The following NDUFAF6 variants were observed in gnomAD, a reference collection of about 807,000 sequenced individuals.
The protein encoded by NDUFAF6 is NADH:ubiquinone oxidoreductase complex assembly factor 6, also known as NADH dehydrogenase (ubiquinone) complex I, assembly factor 6.
NDUFAF6 carries 45 observed loss-of-function variants against 40.8 expected under a neutral mutation model. The observed-to-expected ratio is 1.10, with a 90% CI of 0.87 to 1.42. The LOEUF is 1.42. Ranked by LOEUF, NDUFAF6 falls within the 40% of genes most tolerant of loss-of-function variation. The pLI is 0.00. For missense variants in NDUFAF6, 435 were observed against 418.5 expected, an observed-to-expected ratio of 1.04 and a Z score of -0.34; for synonymous variants, 185 against 155.9, an observed-to-expected ratio of 1.19 and a Z score of -1.39.
At chr8:94,994,667 C>G (rs1378274159) in intron 2 of NDUFAF6, among the ~76,000 whole-genome samples, 2 of 151,954 alleles carry the variant, frequency 1.3e-5, no homozygotes, top group Non-Finnish European at 2.9e-5. Flanking sequence ...GACCCTGTCT[C>G]TACAAAAATT....
chr8:95,031,897 AACTT>A, intron 1 of NDUFAF6, 94 bp from the exon 2 acceptor site: 1 of 1,240,540 alleles, frequency 8.1e-7, no homozygotes, highest in Non-Finnish European at 1.2e-6. Context: ...TACCGCGCCC[AACTT>A]GAAGCCTTTT....
intron 1 of NDUFAF6, among the ~76,000 whole-genome samples, chr8:94,977,598 T>TTCTC (rs34370955): frequency 1.3e-5 from 2 of 149,388 alleles, no homozygotes; most frequent in African/African-American, 2.5e-5. Context: ...CCCTGCTGGG[T>TTCTC]TCTCTCTCTC....
downstream of NDUFAF6, among the ~76,000 whole-genome samples, chr8:95,076,365 C>A (rs1159417112): frequency 1.3e-5 from 2 of 152,162 alleles, no homozygotes; most frequent in Admixed American, 6.5e-5. Flanking sequence ...CCTTAGCCAT[C>A]AACATCATTT....
intron 2 of NDUFAF6, among the ~76,000 whole-genome samples, chr8:95,083,132 A>C (rs1808932585): frequency 6.6e-6 from 1 of 152,274 alleles, no homozygotes; most frequent in South Asian, 2.1e-4. Context: ...TTTTACATTT[A>C]ACTTTTCAAT....
rs1826975728 is a variant in NDUFAF6 at position 95,006,294 on chromosome 8, G to A, written c.-84+25321G>A. ...TGCTTGAACCTGGGAGGTGGAGGTT[G>A]CAGTGAGCCAAGATCATGCCACTGC... On this transcript the variant is annotated intron_variant, in intron 2 of 9. Transcript: ENST00000396111. Among the ~76,000 whole-genome samples the A allele has an allele frequency of 2.0e-5, 3 of 147,696 alleles. No homozygotes were observed. The South Asian group carries it at 6.3e-4, about 31-fold the overall frequency.
At chr8:95,111,090 C>T (rs758469343) in intron 4 of NDUFAF6, among the ~76,000 whole-genome samples, 9 of 152,092 alleles carry the variant, frequency 5.9e-5, no homozygotes, top group Non-Finnish European at 8.8e-5. Flanking sequence ...ACAGGGGAGC[C>T]GAGACACCAA....
At chr8:95,095,869 T>G (rs1449826889), upstream of NDUFAF6, among the ~76,000 whole-genome samples, 1 of 152,150 alleles carries the variant, frequency 6.6e-6, no homozygotes, top group African/African-American at 2.4e-5. Context: ...TTTGCAATGT[T>G]GGCCAGGCTA....
chr8:94,971,434 C>G (rs537969907), intron 1 of NDUFAF6, among the ~76,000 whole-genome samples: 6 of 152,234 alleles, frequency 3.9e-5, no homozygotes, highest in African/African-American at 1.4e-4. Flanking sequence ...TCAGAACCAC[C>G]AGAGTGACTC....
At chr8:94,994,827 AAAACC>A (rs772245341) in intron 2 of NDUFAF6, among the ~76,000 whole-genome samples, 11 of 152,206 alleles carry the variant, frequency 7.2e-5, no homozygotes, top group Non-Finnish European at 1.3e-4. Flanking sequence ...CCTGTCTCAA[AAAACC>A]AAACCAAACC....
intron 1 of NDUFAF6, among the ~76,000 whole-genome samples, chr8:94,922,305 C>T (rs967746172): frequency 2.0e-5 from 3 of 151,662 alleles, no homozygotes; most frequent in South Asian, 4.2e-4. Flanking sequence ...CCACCGAGTC[C>T]GGCCAAATCC....
downstream of NDUFAF6, among the ~76,000 whole-genome samples, chr8:95,117,451 A>G (rs1810157452): frequency 6.6e-6 from 1 of 152,190 alleles, no homozygotes. Context: ...TTTACAAATA[A>G]AGCTTTTTTT....
At chr8:94,988,670 G>A (rs997619051) in intron 2 of NDUFAF6, 1 of 152,150 alleles carries the variant, frequency 6.6e-6, no homozygotes, top group African/African-American at 2.4e-5. Flanking sequence ...TAAAATTATG[G>A]GACCTAGTAG....
intron 2 of NDUFAF6, among the ~76,000 whole-genome samples, chr8:95,016,233 A>G (rs763248630): frequency 3.3e-5 from 5 of 152,204 alleles, no homozygotes; most frequent in Non-Finnish European, 7.3e-5. Context: ...TAATTATTTC[A>G]TGTTGACAAT....
At chr8:95,103,596 C>G (rs930277445), downstream of NDUFAF6, 2 of 152,116 alleles carry the variant, frequency 1.3e-5, no homozygotes, top group Non-Finnish European at 2.9e-5. Flanking sequence ...GTTAAACAGC[C>G]CACAGGACCC....
At chr8:94,983,162 C>T (rs1292312819) in intron 2 of NDUFAF6, among the ~76,000 whole-genome samples, 1 of 151,902 alleles carries the variant, frequency 6.6e-6, no homozygotes, top group Non-Finnish European at 1.5e-5. Flanking sequence ...GGCAGATTTT[C>T]CATGAAGTTA....
At chr8:94,985,972 C>T (rs750867329) in intron 2 of NDUFAF6, among the ~76,000 whole-genome samples, 27 of 151,206 alleles carry the variant, frequency 1.8e-4, no homozygotes, top group Non-Finnish European at 3.1e-4. Context: ...CTCCCAGGTT[C>T]GAGCGATTCT....
At chr8:95,047,570 C>T (rs373151981) in intron 6 of NDUFAF6, among the ~76,000 whole-genome samples, 3 of 140,874 alleles carry the variant, frequency 2.1e-5, no homozygotes, top group Non-Finnish European at 4.5e-5. Flanking sequence ...AGTGCAGTGG[C>T]GTGATCTCGG....
upstream of NDUFAF6, among the ~76,000 whole-genome samples, chr8:95,097,926 A>G (rs1406145325): frequency 6.6e-6 from 1 of 152,214 alleles, no homozygotes; most frequent in Non-Finnish European, 1.5e-5. Flanking sequence ...AGCAGAAAGT[A>G]TCATGCAACA....
intron 1 of NDUFAF6, among the ~76,000 whole-genome samples, chr8:94,925,226 C>G (rs1330879374): frequency 6.6e-6 from 1 of 152,220 alleles, no homozygotes; most frequent in African/African-American, 2.4e-5. Context: ...CCCAAACATT[C>G]ATTCACATGG....
Sources: allele counts gnomAD v4.1 joint callset (sites outside exome capture counted in the v4.1 genomes callset), GRCh38; gene constraint gnomAD v4.1.1; transcripts MANE v1.5; gene names NCBI Gene and HGNC (gene_info 2026-07-23, HGNC 2026-07-21).